TNRC6B: variants seen among roughly 807,000 people sequenced by gnomAD.
The protein encoded by TNRC6B is trinucleotide repeat containing adaptor 6B, also known as trinucleotide repeat-containing gene 6B protein.
TNRC6B carries 52 observed loss-of-function variants against 203.6 expected under a neutral mutation model. That is an observed-to-expected ratio of 0.26 (90% CI 0.20 to 0.32). The LOEUF is 0.32. Among genes scored for constraint, TNRC6B ranks in the 10% least tolerant of loss-of-function variants. The pLI, the probability that TNRC6B is intolerant of heterozygous loss-of-function variation, is 1.00. For missense variants in TNRC6B, 1,923 were observed against 2,286.2 expected (o/e 0.84, Z 3.24); for synonymous variants, 838 against 845.7 (o/e 0.99, Z 0.16).
intron 6 of TNRC6B, among the ~76,000 whole-genome samples, chr22:40,273,011 C>T (rs551667228): frequency 6.6e-6 from 1 of 152,296 alleles, no homozygotes; most frequent in African/African-American, 2.4e-5. Flanking sequence ...TTTATAGTGT[C>T]CATTGTATAT....
chr22:40,156,068 C>T, intron 3 of TNRC6B: 1 of 1,534,584 alleles, frequency 6.5e-7, no homozygotes, highest in Non-Finnish European at 8.8e-7. Flanking sequence ...GAGTGAGTCG[C>T]ATTGTAGTTA....
At chr22:40,171,595 TC>T (rs2068999592) in intron 4 of TNRC6B, among the ~76,000 whole-genome samples, 1 of 152,212 alleles carries the variant, frequency 6.6e-6, no homozygotes, top group Admixed American at 6.5e-5. Context: ...CAAACATTTT[TC>T]TAAGTCTCTG....
chr22:40,167,086 G>A lies in TNRC6B; in HGVS notation c.113+10904G>A, dbSNP rs550668430. On this transcript the variant is annotated intron_variant, in intron 4 of 23. Coordinates refer to the TNRC6B transcript ENST00000301923. Reference sequence around the variant, plus strand: ...CATATTTCAGTCATGATAGAGTGCCGCATATTTCAGTCATGATAGAGTGAG... The same window carrying A: ...CATATTTCAGTCATGATAGAGTGCCACATATTTCAGTCATGATAGAGTGAG... Among the ~76,000 whole-genome samples the A allele has an allele frequency of 3.3e-5, 5 of 152,162 alleles. No homozygotes were observed. The South Asian group carries it at 8.3e-4, about 25-fold the overall frequency.
At position 40,280,059 on chromosome 22, in the gene TNRC6B, TATC is replaced by T. The variant is rs1161828752; in HGVS notation, c.3330_3332del (p.Ile1110del). 2 of 1,613,830 alleles carry T rather than the reference TATC, an allele frequency of 1.2e-6. No individual in the cohort carries two copies. Among genetic ancestry groups the T allele is most frequent in the South Asian group, 1.1e-5 (1 of 91,072 alleles). ...CGATGAATCTCGGGGATTTTAATGATATCATGAGGAAGGATCGATCTGGGTTCC... is the reference window on the plus strand; with the variant it reads ...CGATGAATCTCGGGGATTTTAATGATATGAGGAAGGATCGATCTGGGTTCC... On this transcript the variant is annotated inframe_deletion, in exon 10 of 23. Coordinates refer to ENST00000454349, the MANE Select transcript of TNRC6B (RefSeq NM_001162501.2).
Position 40,331,850 on chromosome 22 carries a change from A to G in TNRC6B, c.*8609A>G. On this transcript the variant is annotated 3_prime_UTR_variant, in exon 23 of 23. Coordinates refer to ENST00000454349, the MANE Select transcript of TNRC6B (RefSeq NM_001162501.2). ...TCCCCGTGTCCTGGAGGGGAAGGGGAGTGAGAGACGAATGTGGTAAGGTCA... is the reference window on the plus strand; with the variant it reads ...TCCCCGTGTCCTGGAGGGGAAGGGGGGTGAGAGACGAATGTGGTAAGGTCA... 2.8e-6 allele frequency: 1 copy of G among 356,804 alleles called. No individual in the cohort carries two copies. The highest frequency in any genetic ancestry group is 5.1e-6 in the Non-Finnish European group (1 of 197,858). 22.1% of individuals were successfully genotyped at this position (356,804 alleles called of 1,614,324 possible). A position where few individuals can be genotyped will look rare whatever the true frequency, so the allele number is the denominator to read the frequency against.
chr22:40,175,141 G>A (rs1422436729), upstream of TNRC6B, among the ~76,000 whole-genome samples: 1 of 151,996 alleles, frequency 6.6e-6, no homozygotes, highest in Admixed American at 6.6e-5. Flanking sequence ...GGCAGATCAC[G>A]AGGTCAGGAG....
intron 1 of TNRC6B, among the ~76,000 whole-genome samples, chr22:40,196,657 CT>C (rs1387280310): frequency 6.6e-6 from 1 of 150,680 alleles, no homozygotes; most frequent in Non-Finnish European, 1.5e-5. Context: ...TTCTGGAACT[CT>C]TGCTGATGTT....
intron 4 of TNRC6B, among the ~76,000 whole-genome samples, chr22:40,158,340 CAATA>C (rs144615900): frequency 0.31 from 42,354 of 138,744 alleles, 6,782 homozygotes; most frequent in African/African-American, 0.41. Flanking sequence ...ACTCCATCTT[CAATA>C]AATAAATAAA....
At chr22:40,295,525 A>C (rs2070927782) in intron 12 of TNRC6B, among the ~76,000 whole-genome samples, 2 of 151,978 alleles carry the variant, frequency 1.3e-5, no homozygotes, top group African/African-American at 2.4e-5. Context: ...TAGTCTTGAG[A>C]ATGTAGCAGA....
At chr22:40,162,229 G>T (rs1466230034) in intron 4 of TNRC6B, among the ~76,000 whole-genome samples, 1 of 152,118 alleles carries the variant, frequency 6.6e-6, no homozygotes, top group Non-Finnish European at 1.5e-5. Flanking sequence ...AAGTAGCTGG[G>T]ATTATAGGTA....
At chr22:40,223,994 T>C (rs2069750422) in intron 1 of TNRC6B, among the ~76,000 whole-genome samples, 1 of 152,132 alleles carries the variant, frequency 6.6e-6, no homozygotes, top group Non-Finnish European at 1.5e-5. Flanking sequence ...TATCTTGGTG[T>C]ACTTTGGTGT....
At chr22:40,214,947 G>A (rs1247801586) in intron 1 of TNRC6B, among the ~76,000 whole-genome samples, 3 of 152,016 alleles carry the variant, frequency 2.0e-5, no homozygotes, top group Non-Finnish European at 4.4e-5. Context: ...GTCTCCCTTG[G>A]TGCTCCTAGT....
At chr22:40,130,032 A>G (rs1383169848) in intron 3 of TNRC6B, among the ~76,000 whole-genome samples, 2 of 152,226 alleles carry the variant, frequency 1.3e-5, no homozygotes, top group Non-Finnish European at 2.9e-5. Context: ...ATGAGTTATG[A>G]CTATAGTCCA....
intron 1 of TNRC6B, among the ~76,000 whole-genome samples, chr22:40,046,902 C>T (rs1370915610): frequency 6.6e-6 from 1 of 152,122 alleles, no homozygotes; most frequent in African/African-American, 2.4e-5. Context: ...GCCTCGGCCT[C>T]CCAAAGTGCT....
upstream of TNRC6B, among the ~76,000 whole-genome samples, chr22:40,174,168 T>C (rs2069033616): frequency 6.6e-6 from 1 of 151,000 alleles, no homozygotes; most frequent in Non-Finnish European, 1.5e-5. Flanking sequence ...TTTTTCTTTT[T>C]CTTTTTTTTT....
intron 4 of TNRC6B, among the ~76,000 whole-genome samples, chr22:40,166,001 A>T (rs1298620051): frequency 6.6e-6 from 1 of 152,094 alleles, no homozygotes; most frequent in African/African-American, 2.4e-5. Context: ...TTTTGGGCAG[A>T]AAATGCCTTT....
chr22:40,211,522 G>C (rs983935513), intron 1 of TNRC6B, among the ~76,000 whole-genome samples: 5 of 152,076 alleles, frequency 3.3e-5, no homozygotes, highest in Non-Finnish European at 7.3e-5. Flanking sequence ...TGTCGTCCTT[G>C]CCACAAACTT....
intron 16 of TNRC6B, 57 bp from the exon 17 acceptor site, chr22:40,310,760 G>GTTATTCATTTATATAATAAAAA: frequency 6.7e-7 from 1 of 1,503,114 alleles, no homozygotes; most frequent in East Asian, 2.4e-5. Flanking sequence ...ATAAAAAATA[G>GTTATTCATTTATATAATAAAAA]ACAAGTTCTA....
At chr22:40,078,227 A>C (rs1369244054) in intron 1 of TNRC6B, among the ~76,000 whole-genome samples, 1 of 152,226 alleles carries the variant, frequency 6.6e-6, no homozygotes, top group Non-Finnish European at 1.5e-5. Context: ...CAGTTTCTTA[A>C]TAAAAATTAT....
Sources: gnomAD v4.1 joint callset for allele counts (sites outside exome capture counted in the v4.1 genomes callset) on GRCh38, gnomAD v4.1.1 for gene constraint, MANE v1.5 for transcripts, NCBI Gene and HGNC (gene_info 2026-07-23, HGNC 2026-07-21) for gene names.